Variants in RBFOX1 observed in about 807,000 individuals in gnomAD.
The protein encoded by RBFOX1 is RNA binding fox-1 homolog 1.
RBFOX1 carries 8 observed loss-of-function variants against 57.7 expected under a neutral mutation model. The ratio of observed to expected loss-of-function variants is 0.14; its 90% CI spans 0.08 to 0.25. The LOEUF is 0.25. RBFOX1 is among the 10% of genes least tolerant of loss of function. The pLI is 1.00. For missense variants in RBFOX1, 611 were observed against 548.5 expected, an observed-to-expected ratio of 1.11 and a Z score of -1.14; for synonymous variants, 326 against 222.4, an observed-to-expected ratio of 1.47 and a Z score of -4.15.
intron 1 of RBFOX1, among the ~76,000 whole-genome samples, chr16:5,438,428 G>A (rs762489963): frequency 6.6e-6 from 1 of 152,164 alleles, no homozygotes; most frequent in African/African-American, 2.4e-5. Flanking sequence ...GTGGACAAGT[G>A]TAATGTATGG....
rs183784623 is a variant in RBFOX1 at position 6,655,581 on chromosome 16, C to G, written c.-16+931C>G. On this transcript the variant is annotated intron_variant, in intron 3 of 15. Coordinates refer to ENST00000550418, the MANE Select transcript of RBFOX1 (RefSeq NM_018723.4). ...CCCCTCAGGAAAAGCAACCGTTAGA[C>G]AATTGTTTGTTAATATTTTCACAGT... 3.3e-5 allele frequency among the ~76,000 whole-genome samples: 5 copies of G among 152,116 alleles called. No individual in the cohort carries two copies. The East Asian group carries it at 5.8e-4, about 18-fold the overall frequency.
intron 4 of RBFOX1, among the ~76,000 whole-genome samples, chr16:7,106,571 A>C (rs539313799): frequency 6.6e-6 from 1 of 152,066 alleles, no homozygotes; most frequent in African/African-American, 2.4e-5. Flanking sequence ...GTGCTTAGGG[A>C]CTTCTTTTTA....
chr16:5,548,158 T>TAAAA (rs59117140), intron 2 of RBFOX1, among the ~76,000 whole-genome samples: 2 of 82,486 alleles, frequency 2.4e-5, no homozygotes, highest in African/African-American at 4.8e-5. Context: ...AAGACTCTGT[T>TAAAA]AAAAAAAAAA....
intron 3 of RBFOX1, among the ~76,000 whole-genome samples, chr16:6,944,515 T>C (rs1371381216): frequency 6.6e-6 from 1 of 152,108 alleles, no homozygotes; most frequent in African/African-American, 2.4e-5. Context: ...ATCAGAGTGA[T>C]AGTAACCAGA....
intron 1 of RBFOX1, among the ~76,000 whole-genome samples, chr16:5,416,855 C>T (rs932740846): frequency 2.6e-5 from 4 of 152,066 alleles, no homozygotes; most frequent in Non-Finnish European, 4.4e-5. Flanking sequence ...GGAAGTGTAG[C>T]GTTTGTTACT....
intron 3 of RBFOX1, among the ~76,000 whole-genome samples, chr16:6,707,478 G>GTTTTTTTTTTT (rs61418784): frequency 3.3e-4 from 42 of 128,288 alleles, no homozygotes; most frequent in East Asian, 9.3e-4. Context: ...TCCCATTTTT[G>GTTTTTTTTTTT]TTTTTTTTTT....
chr16:6,056,296 T>G lies in RBFOX1; in HGVS notation c.-127+36304T>G, dbSNP rs141859594. Among the ~76,000 whole-genome samples, 413 of 152,156 alleles carry G rather than the reference T, an allele frequency of 2.7e-3. 4 individuals carry two copies. Among genetic ancestry groups the G allele is most frequent in the African/African-American group, 9.3e-3 (388 of 41,518 alleles). ...ATTTGACATTTAGCTGTCAACGATA[T>G]TGTCTTTCAAGTGAGGTTTTGGAAT... On this transcript the variant is annotated intron_variant, in intron 1 of 15. Coordinates refer to ENST00000550418, the MANE Select transcript of RBFOX1 (RefSeq NM_018723.4).
At chr16:7,141,179 G>C (rs2073677441) in intron 4 of RBFOX1, among the ~76,000 whole-genome samples, 1 of 152,102 alleles carries the variant, frequency 6.6e-6, no homozygotes, top group African/African-American at 2.4e-5. Flanking sequence ...GAGCAAGTAG[G>C]AGGATCCTGG....
At chr16:6,164,406 A>T (rs1334925453) in intron 1 of RBFOX1, among the ~76,000 whole-genome samples, 1 of 151,680 alleles carries the variant, frequency 6.6e-6, no homozygotes, top group Non-Finnish European at 1.5e-5. Flanking sequence ...GCATTTCCAA[A>T]ATATATATAT....
intron 2 of RBFOX1, among the ~76,000 whole-genome samples, chr16:6,462,867 TTCCTC>T (rs2094953858): frequency 6.6e-6 from 1 of 152,212 alleles, no homozygotes; most frequent in Non-Finnish European, 1.5e-5. Flanking sequence ...CACAAAATCT[TTCCTC>T]TTATAGGAAT....
Position 6,863,105 on chromosome 16 carries a change from A to G in RBFOX1, c.-15-188952A>G, listed in dbSNP as rs187677379. 1.7e-3 allele frequency among the ~76,000 whole-genome samples: 253 copies of G among 152,152 alleles called. 2 individuals are homozygous for G. Among genetic ancestry groups the G allele is most frequent in the African/African-American group, 6.0e-3 (247 of 41,510 alleles). ...GAGAACAGTGGAAGGATTTTTACAG[A>G]TTATTGGTGGGAGAGTGGATGAAGA... On this transcript the variant is annotated intron_variant, in intron 3 of 15. Coordinates refer to ENST00000550418, the MANE Select transcript of RBFOX1 (RefSeq NM_018723.4).
intron 2 of RBFOX1, among the ~76,000 whole-genome samples, chr16:6,491,221 AC>A (rs2095625875): frequency 6.6e-6 from 1 of 151,792 alleles, no homozygotes; most frequent in African/African-American, 2.4e-5. Flanking sequence ...ATATAGTTAA[AC>A]TATATATATA....
intron 1 of RBFOX1, among the ~76,000 whole-genome samples, chr16:5,275,413 T>G (rs1223209480): frequency 6.6e-6 from 1 of 152,178 alleles, no homozygotes. Context: ...GCAACCAGGC[T>G]GAGAATCAAA....
chr16:6,896,256 G>A (rs1411164374), intron 3 of RBFOX1, among the ~76,000 whole-genome samples: 2 of 152,102 alleles, frequency 1.3e-5, no homozygotes, highest in East Asian at 1.9e-4. Flanking sequence ...GTTTGAGACT[G>A]TCTCAAAACA....
chr16:7,083,312 G>C (rs1486576553), intron 4 of RBFOX1, among the ~76,000 whole-genome samples: 1 of 151,920 alleles, frequency 6.6e-6, no homozygotes, highest in Admixed American at 6.6e-5. Context: ...GTGATAAAAT[G>C]TTTCTCCATC....
chr16:5,934,270 T>C (rs1274907830), intron 4 of RBFOX1, among the ~76,000 whole-genome samples: 2 of 152,208 alleles, frequency 1.3e-5, no homozygotes, highest in African/African-American at 4.8e-5. Context: ...CTCCCCAGCT[T>C]CCCTTTACTA....
intron 3 of RBFOX1, among the ~76,000 whole-genome samples, chr16:7,038,307 T>C (rs2045140517): frequency 1.3e-5 from 2 of 152,052 alleles, no homozygotes; most frequent in East Asian, 1.9e-4. Flanking sequence ...TGGGATGGGG[T>C]TGAAGGAGGG....
chr16:6,032,917 GT>G (rs1422546946), intron 1 of RBFOX1, among the ~76,000 whole-genome samples: 2 of 137,324 alleles, frequency 1.5e-5, no homozygotes, highest in African/African-American at 5.3e-5. Flanking sequence ...CCCAGCCATT[GT>G]TCAGGTGCCA....
At chr16:7,367,574 C>A (rs997707252) in intron 4 of RBFOX1, among the ~76,000 whole-genome samples, 1 of 152,188 alleles carries the variant, frequency 6.6e-6, no homozygotes, top group Non-Finnish European at 1.5e-5. Flanking sequence ...AGATGGAAAT[C>A]TAATCAGCTC....
Sources: gnomAD v4.1 joint callset for allele counts (sites outside exome capture counted in the v4.1 genomes callset) on GRCh38, gnomAD v4.1.1 for gene constraint, MANE v1.5 for transcripts, NCBI Gene and HGNC (gene_info 2026-07-23, HGNC 2026-07-21) for gene names.